Variants in PLXNC1 observed in about 807,000 individuals in gnomAD.
The protein encoded by PLXNC1 is plexin C1, also known as plexin-C1.
Under a neutral mutation model 178.2 loss-of-function variants are expected in PLXNC1, and 75 were observed. The observed-to-expected ratio is 0.42, with a 90% CI of 0.35 to 0.51. PLXNC1 has a LOEUF of 0.51. Ranked by LOEUF, PLXNC1 falls within the 20% of genes least tolerant of loss-of-function variation. The pLI is 0.02. For missense variants in PLXNC1, 1,503 were observed against 1,984.4 expected (o/e 0.76, Z 4.61); for synonymous variants, 790 against 779.9 (o/e 1.01, Z -0.22).
chr12:94,263,918 A>C (rs1035709441), intron 20 of PLXNC1, among the ~76,000 whole-genome samples: 4 of 152,100 alleles, frequency 2.6e-5, no homozygotes, highest in Non-Finnish European at 4.4e-5. Context: ...GGATGCTGAG[A>C]GACTTAAGAT....
chr12:94,188,077 G>A (rs1962586324), intron 4 of PLXNC1, among the ~76,000 whole-genome samples: 1 of 151,972 alleles, frequency 6.6e-6, no homozygotes, highest in Non-Finnish European at 1.5e-5. Context: ...GTGATCCACT[G>A]GGTCAGATTC....
rs1592822609 is a variant in PLXNC1, at chr12:94,260,755, C to T, written c.3365C>T (p.Pro1122Leu). ...DLMEQCSNMQ[P>L]KLMLRRTESV... ...ATGGAACAGTGTAGTAACATGCAGC[C>T]GAAACTCATGCTGAGACGCACGGAG... is the stretch of plus-strand genomic sequence containing the variant. Residue 1122 changes from proline to leucine, a missense_variant, in exon 20 of 31, where the codon CCG becomes CTG. Pro to Leu is a moderately conservative substitution (Grantham distance 98). Transcript: ENST00000258526. This position sits in a 1 kb window ranked among gnomAD's most constrained non-coding sequence, Gnocchi z 4.4. 2.5e-6 allele frequency: 4 copies of T among 1,614,120 alleles called. No homozygotes were observed. The highest frequency in any genetic ancestry group is 2.5e-6 in the Non-Finnish European group (3 of 1,179,982).
intron 15 of PLXNC1, 67 bp from the exon 16 acceptor site, chr12:94,254,720 G>T (rs1964792006): frequency 9.3e-7 from 1 of 1,069,902 alleles, no homozygotes; most frequent in East Asian, 2.4e-5. Flanking sequence ...TGTAAAGATT[G>T]CTATTTGTTT....
At chr12:94,242,302 A>ATTTT (rs59056862) in intron 11 of PLXNC1, among the ~76,000 whole-genome samples, 7 of 97,378 alleles carry the variant, frequency 7.2e-5, no homozygotes, top group African/African-American at 1.3e-4. Flanking sequence ...AATCTCCCCA[A>ATTTT]TTTTTTTTTT....
intron 15 of PLXNC1, 106 bp from the exon 16 acceptor site, chr12:94,254,681 G>C: frequency 1.3e-6 from 1 of 750,338 alleles, no homozygotes. Context: ...GTCCCTATCT[G>C]TTTTGTTTTT....
At chr12:94,179,909 G>C (rs1962245779) in intron 2 of PLXNC1, among the ~76,000 whole-genome samples, 3 of 152,106 alleles carry the variant, frequency 2.0e-5, no homozygotes, top group Admixed American at 2.0e-4. Flanking sequence ...CCATTTTAGA[G>C]ATGAGGAAAT....
chr12:94,186,395 A>C lies in PLXNC1; in HGVS notation c.1361A>C (p.Asn454Thr). Residue 454 changes from asparagine (N) to threonine (T), a missense_variant, in exon 4 of 31, where the codon AAC becomes ACC. Asn to Thr is a moderately conservative substitution (Grantham distance 65). Transcript: ENST00000258526. ...TAGGTGAGGAGAATTCGTGTTGCAA[A>C]CTGCAATAAACATAAATCCTGTTCG... The part of the protein sequence containing the change: ...GKEVRRIRVA[N>T]CNKHKSCSEC... The C allele has an allele frequency of 4.3e-6, 7 of 1,613,156 alleles. No homozygotes were observed. Among genetic ancestry groups the C allele is most frequent in the Non-Finnish European group, 5.9e-6 (7 of 1,179,080 alleles).
chr12:94,244,288 G>A (rs76076278), intron 12 of PLXNC1, among the ~76,000 whole-genome samples: 4,299 of 152,210 alleles, frequency 0.028, 200 homozygotes, highest in African/African-American at 0.096. Context: ...TGTGATTTGT[G>A]GCAAGTCACC....
chr12:94,256,582 G>A (rs1964848613), intron 17 of PLXNC1, among the ~76,000 whole-genome samples: 1 of 152,106 alleles, frequency 6.6e-6, no homozygotes, highest in South Asian at 2.1e-4. Flanking sequence ...GGATGACTGT[G>A]TGGGGCTTCT....
At chr12:94,208,755 G>A (rs1325003943) in intron 4 of PLXNC1, among the ~76,000 whole-genome samples, 1 of 152,202 alleles carries the variant, frequency 6.6e-6, no homozygotes, top group Non-Finnish European at 1.5e-5. Flanking sequence ...ACGTGCTGTT[G>A]GTATTTGTTC....
intron 1 of PLXNC1, chr12:94,150,965 A>T (rs984911388): frequency 1.3e-5 from 2 of 152,212 alleles, no homozygotes; most frequent in African/African-American, 4.8e-5. Context: ...GCAGTTCAAG[A>T]GGGTCCAGTT....
rs146073262 is a variant in PLXNC1, at chr12:94,211,747, G to T, written c.1554+2043G>T. 1.9e-3 allele frequency among the ~76,000 whole-genome samples: 287 copies of T among 152,352 alleles called. 3 individuals are homozygous for T. The highest frequency in any genetic ancestry group is 6.5e-3 in the African/African-American group (272 of 41,584). On this transcript the variant is annotated intron_variant, in intron 5 of 30. Transcript: ENST00000258526. ...AATCAGAGCAATTCCAGTTGTCCTGGAGGGATTTCTGTGAGGTTTTGTTGA... is the reference window on the plus strand; with the variant it reads ...AATCAGAGCAATTCCAGTTGTCCTGTAGGGATTTCTGTGAGGTTTTGTTGA...
intron 22 of PLXNC1, among the ~76,000 whole-genome samples, chr12:94,280,796 C>A (rs567171057): frequency 2.6e-5 from 4 of 152,208 alleles, no homozygotes; most frequent in Admixed American, 6.5e-5. Context: ...CTTGGTCCTG[C>A]CGCTGATGAG....
rs1244214849 is a variant in PLXNC1 at position 94,282,318 on chromosome 12, C to A, written c.3796C>A (p.Gln1266Lys). 11 of 1,613,570 alleles carry A rather than the reference C, an allele frequency of 6.8e-6. 1 individual carries two copies. In the Admixed American group the frequency reaches 1.0e-4, roughly 15 times the overall value. ...IGLELQMGTR[Q>K]KELLDIDSSS... is the part of the protein sequence containing the mutation. ...TTCAGAGCTTCAAATGGGCACACGA[C>A]AGAAAGAACTTCTGGACATCGACAG... The change falls in exon 23 of 31, where the codon CAG (glutamine) becomes AAG (lysine). Residue 1266 changes from glutamine (Q) to lysine (K), a missense_variant. Gln to Lys is a moderately conservative substitution (Grantham distance 53, BLOSUM62 1). Coordinates refer to ENST00000258526, the MANE Select transcript of PLXNC1 (RefSeq NM_005761.3).
chr12:94,185,702 C>T (rs77956232), intron 3 of PLXNC1, among the ~76,000 whole-genome samples: 4,076 of 152,306 alleles, frequency 0.027, 201 homozygotes, highest in African/African-American at 0.093. Flanking sequence ...GAGGTGACGG[C>T]GCTGCCCCTG....
intron 9 of PLXNC1, among the ~76,000 whole-genome samples, chr12:94,232,629 C>G (rs1222820139): frequency 3.3e-5 from 5 of 152,178 alleles, no homozygotes; most frequent in African/African-American, 4.8e-5. Context: ...AAGTGTGTGA[C>G]TGCATGGAGC....
At chr12:94,227,862 AAC>A (rs1963990134) in intron 9 of PLXNC1, among the ~76,000 whole-genome samples, 1 of 152,230 alleles carries the variant, frequency 6.6e-6, no homozygotes, top group African/African-American at 2.4e-5. Context: ...TTCTGGGCGG[AAC>A]ACATGTGGCT....
At chr12:94,290,503 C>A (rs1347258432) in intron 23 of PLXNC1, among the ~76,000 whole-genome samples, 14 of 152,248 alleles carry the variant, frequency 9.2e-5, no homozygotes, top group Admixed American at 9.2e-4. Context: ...CCAGCCGGCC[C>A]CTGCCCAGTG....
intron 21 of PLXNC1, chr12:94,277,907 T>A (rs918380858): frequency 1.3e-5 from 6 of 455,780 alleles, no homozygotes; most frequent in African/African-American, 6.0e-5. Context: ...TAAGTTGAGG[T>A]AGGCCTGAGG....
Sources: allele counts gnomAD v4.1 joint callset (sites outside exome capture counted in the v4.1 genomes callset), GRCh38; gene constraint gnomAD v4.1.1; non-coding constraint Gnocchi (gnomAD v3.1); transcripts MANE v1.5; gene names NCBI Gene and HGNC (gene_info 2026-07-23, HGNC 2026-07-21).